The following STK32B variants were observed in gnomAD, a reference collection of about 807,000 sequenced individuals.
The protein encoded by STK32B is serine/threonine kinase 32B.
STK32B carries 43 observed loss-of-function variants against 52.6 expected under a neutral mutation model. That is an observed-to-expected ratio of 0.82 (90% CI 0.64 to 1.05). The LOEUF is 1.05. Ranked by LOEUF, STK32B falls within the 50% of genes least tolerant of loss-of-function variation. The pLI, the probability that STK32B is intolerant of heterozygous loss-of-function variation, is 0.00. For synonymous variants in STK32B, 238 were observed against 204.3 expected (o/e 1.17, Z -1.41); for missense variants, 621 against 534.6 (o/e 1.16, Z -1.59).
intron 6 of STK32B, among the ~76,000 whole-genome samples, chr4:5,434,332 A>C (rs778473851): frequency 5.3e-5 from 8 of 152,188 alleles, no homozygotes; most frequent in Non-Finnish European, 8.8e-5. Context: ...CAAAACTAAT[A>C]GATGACTAAT....
chr4:5,387,208 G>A (rs1385421808), intron 4 of STK32B, among the ~76,000 whole-genome samples: 1 of 152,226 alleles, frequency 6.6e-6, no homozygotes, highest in African/African-American at 2.4e-5. Flanking sequence ...GATTGGCCTT[G>A]TACGGAAGCC....
intron 2 of STK32B, among the ~76,000 whole-genome samples, chr4:5,143,358 T>C (rs1279344643): frequency 6.6e-6 from 1 of 152,190 alleles, no homozygotes; most frequent in Non-Finnish European, 1.5e-5. Context: ...CTGCAAATGA[T>C]TATTCAGAAA....
At chr4:5,253,710 G>A (rs1054481110) in intron 3 of STK32B, among the ~76,000 whole-genome samples, 6 of 151,986 alleles carry the variant, frequency 3.9e-5, no homozygotes, top group African/African-American at 9.7e-5. Flanking sequence ...GAAAAGGTCT[G>A]GAGATCTGTA....
intron 3 of STK32B, among the ~76,000 whole-genome samples, chr4:5,234,328 T>C (rs1394471207): frequency 2.6e-5 from 4 of 152,228 alleles, no homozygotes; most frequent in Admixed American, 2.6e-4. Flanking sequence ...GTATACCAAG[T>C]GCACGTTGCA....
intron 3 of STK32B, among the ~76,000 whole-genome samples, chr4:5,273,991 TAAAA>T (rs549792517): frequency 4.0e-5 from 6 of 149,160 alleles, no homozygotes; most frequent in South Asian, 2.1e-4. Context: ...TAAAGTATAA[TAAAA>T]AAAAAGAAAC....
Position 5,395,664 on chromosome 4 carries a change from C to T in STK32B, c.435-2543C>T, listed in dbSNP as rs1041119749. On this transcript the variant is annotated intron_variant, in intron 4 of 11. Transcript: ENST00000282908. The surrounding 1 kb of genome is among the most constrained non-coding windows in gnomAD (Gnocchi z 4.4). ...CTTCATGACCGCAAAGGGGACACCC[C>T]CGTAAATGCTTGAGATTCCACTCTG... 6.6e-6 allele frequency among the ~76,000 whole-genome samples: 1 copy of T among 152,190 alleles called. No homozygotes were observed. The highest frequency in any genetic ancestry group is 1.5e-5 in the Non-Finnish European group (1 of 68,048).
At chr4:5,443,674 G>A (rs367958810) in intron 6 of STK32B, among the ~76,000 whole-genome samples, 49 of 152,118 alleles carry the variant, frequency 3.2e-4, no homozygotes, top group Non-Finnish European at 4.9e-4. Context: ...GAGGAGAGGC[G>A]CTCTGCTTTT....
intron 3 of STK32B, among the ~76,000 whole-genome samples, chr4:5,210,081 T>C (rs1722815297): frequency 6.6e-6 from 1 of 152,216 alleles, no homozygotes; most frequent in Non-Finnish European, 1.5e-5. Flanking sequence ...AGTTGAAATG[T>C]CAAACACACA....
At chr4:5,278,042 C>T (rs370439967) in intron 3 of STK32B, among the ~76,000 whole-genome samples, 6 of 152,198 alleles carry the variant, frequency 3.9e-5, no homozygotes, top group African/African-American at 1.4e-4. Context: ...CAAGAAGCCA[C>T]ACTTTGTTGT....
At chr4:5,101,743 C>G (rs757841046) in intron 1 of STK32B, among the ~76,000 whole-genome samples, 2 of 152,080 alleles carry the variant, frequency 1.3e-5, no homozygotes, top group African/African-American at 4.8e-5. Flanking sequence ...ATGACAAAAC[C>G]GCAACCAAAA....
intron 1 of STK32B, among the ~76,000 whole-genome samples, chr4:5,071,115 A>G (rs950574610): frequency 3.3e-5 from 5 of 152,134 alleles, no homozygotes; most frequent in Non-Finnish European, 5.9e-5. Flanking sequence ...CTATTAGTAG[A>G]AGACGAGGAG....
At chr4:5,445,698 G>A (rs1391441841) in intron 6 of STK32B, among the ~76,000 whole-genome samples, 1 of 152,114 alleles carries the variant, frequency 6.6e-6, no homozygotes, top group Admixed American at 6.5e-5. Context: ...ATTTTAAAGT[G>A]AACAATTCAG....
At chr4:5,265,475 C>T (rs1726999557) in intron 3 of STK32B, among the ~76,000 whole-genome samples, 1 of 152,116 alleles carries the variant, frequency 6.6e-6, no homozygotes, top group Admixed American at 6.5e-5. Context: ...GCCATCCATC[C>T]ACCTCCAGTT....
chr4:5,021,276 G>A, the STK32B span, among the ~76,000 whole-genome samples: 2 of 152,248 alleles, frequency 1.3e-5, no homozygotes, highest in South Asian at 2.1e-4. Context: ...CCTGGGCAGG[G>A]ACTGTAAGCT....
intron 1 of STK32B, among the ~76,000 whole-genome samples, chr4:5,098,292 C>T (rs1453494209): frequency 1.3e-5 from 2 of 152,288 alleles, no homozygotes; most frequent in Admixed American, 6.5e-5. Flanking sequence ...GAAAGGAAAC[C>T]GGGAGTTGGG....
the STK32B span, among the ~76,000 whole-genome samples, chr4:5,024,914 A>C: frequency 0.18 from 27,664 of 151,064 alleles, 2,939 homozygotes; most frequent in African/African-American, 0.3. Flanking sequence ...GGGGAGCTGC[A>C]CCCCCAACCC....
intron 3 of STK32B, among the ~76,000 whole-genome samples, chr4:5,215,097 T>A (rs1723108848): frequency 6.6e-6 from 1 of 152,250 alleles, no homozygotes; most frequent in Non-Finnish European, 1.5e-5. Context: ...GCAAGCCATT[T>A]GCTAAATGGG....
rs546794271 is a variant in STK32B at position 5,500,893 on chromosome 4, G to A, written c.*1810G>A. On this transcript the variant is annotated 3_prime_UTR_variant, in exon 12 of 12. Transcript: ENST00000282908. ...GTTTTTTTTATTGGGCTGAGTTCACGAATTAGGGGCAGGAGCTGGAAGTCG... is the reference window on the plus strand; with the variant it reads ...GTTTTTTTTATTGGGCTGAGTTCACAAATTAGGGGCAGGAGCTGGAAGTCG... 8.5e-5 allele frequency: 13 copies of A among 152,258 alleles called. No homozygotes were observed. Among genetic ancestry groups the A allele is most frequent in the East Asian group, 1.9e-4 (1 of 5,174 alleles). The allele number at this position is 152,258 out of a possible 1,614,324, so 9.4% of individuals were successfully genotyped here. A position where few individuals can be genotyped will look rare whatever the true frequency, so the allele number is the denominator to read the frequency against.
intron 1 of STK32B, among the ~76,000 whole-genome samples, chr4:5,089,918 G>T (rs566358784): frequency 6.6e-6 from 1 of 152,282 alleles, no homozygotes; most frequent in Admixed American, 6.5e-5. Context: ...TGACTGGCGT[G>T]AGATGGTATC....
Sources: gnomAD v4.1 joint callset for allele counts (sites outside exome capture counted in the v4.1 genomes callset) on GRCh38, gnomAD v4.1.1 for gene constraint, Gnocchi (gnomAD v3.1) non-coding constraint, MANE v1.5 for transcripts, NCBI Gene and HGNC (gene_info 2026-07-23, HGNC 2026-07-21) for gene names.